RAB40A: variants seen among roughly 807,000 people sequenced by gnomAD.
RAB40A encodes the protein RAB40A, member RAS oncogene family, also known as ras-related protein Rab-40A.
For missense variants in RAB40A, 145 were observed against 230.2 expected (o/e 0.63, Z 2.40); for synonymous variants, 65 against 99.9 (o/e 0.65, Z 2.08).
the RAB40A span, among the ~76,000 whole-genome samples, chrX:103,493,580 G>A: frequency 1.8e-5 from 2 of 111,241 alleles, no homozygotes; most frequent in African/African-American, 6.5e-5. Context: ...CCTCCAGCCT[G>A]CCACCATCCT....
rs2073236006 is a variant in RAB40A, at chrX:103,502,857, G to A, written c.-70-2031C>T. 3 of 761,846 alleles carry A rather than the reference G, an allele frequency of 3.9e-6. No homozygotes were observed. In the South Asian group the frequency reaches 2.1e-4, roughly 52 times the overall value. 62.8% of individuals were successfully genotyped at this position (761,846 alleles called of 1,213,427 possible). On this transcript the variant is annotated intron_variant, in intron 2 of 2. Transcript: ENST00000304236. ...CCGAGCTGTCCCAAGGAGCAAATGA[G>A]AAAACCTGTTGAGAGTATACGGCAT... is the stretch of plus-strand genomic sequence containing the variant.
At chrX:103,498,753 A>G (rs375809377), downstream of RAB40A, among the ~76,000 whole-genome samples, 2 of 112,399 alleles carry the variant, frequency 1.8e-5, no homozygotes, top group South Asian at 3.7e-4. Flanking sequence ...CAATCACCCT[A>G]TGACAATGCA....
chrX:103,508,293 A>C (rs2073267407), intron 2 of RAB40A, among the ~76,000 whole-genome samples: 1 of 111,509 alleles, frequency 9.0e-6, no homozygotes, highest in East Asian at 2.8e-4. Flanking sequence ...CCCATCTTCT[A>C]AAGGGGAGGT....
chrX:103,496,160 G>A (rs1412259452), downstream of RAB40A, among the ~76,000 whole-genome samples: 1 of 111,953 alleles, frequency 8.9e-6, no homozygotes, highest in African/African-American at 3.2e-5. Flanking sequence ...CACTAAGTCA[G>A]CCCTGTTCTT....
rs1196589951 is a variant in RAB40A, at chrX:103,499,983, G to A, written c.774C>T (p.Ile258=). ...THKSSLCKVE[I]VCPPQSPPKN... is the part of the protein sequence containing the mutation. Reference sequence around the variant, plus strand: ...TGGGTGGGCTCTGGGGTGGGCAGACGATCTCCACTTTGCAGAGGCTGCTCT... The same window carrying A: ...TGGGTGGGCTCTGGGGTGGGCAGACAATCTCCACTTTGCAGAGGCTGCTCT... Residue 258 remains isoleucine (I), a synonymous_variant, in exon 3 of 3, where the codon ATC becomes ATT. Coordinates refer to ENST00000304236, the MANE Select transcript of RAB40A (RefSeq NM_080879.3). 5 of 1,209,326 alleles carry A rather than the reference G, an allele frequency of 4.1e-6. No homozygotes were observed. In the South Asian group the frequency reaches 5.3e-5, roughly 13 times the overall value.
chrX:103,518,419 T>C (rs982712043), intron 1 of RAB40A, among the ~76,000 whole-genome samples: 1 of 110,289 alleles, frequency 9.1e-6, no homozygotes, highest in Non-Finnish European at 1.9e-5. Context: ...AGTGCCCATA[T>C]TGAATCCACT....
Position 103,499,221 on chromosome X carries a change from T to A in RAB40A, c.*702A>T, listed in dbSNP as rs1468267035. The A allele has an allele frequency of 5.0e-5, 6 of 120,871 alleles. No homozygotes were observed. The highest frequency in any genetic ancestry group is 1.9e-4 in the African/African-American group (6 of 30,974). The allele number at this position is 120,871 out of a possible 1,213,427, so 10.0% of individuals were successfully genotyped here. A position where few individuals can be genotyped will look rare whatever the true frequency, so the allele number is the denominator to read the frequency against. The stretch of plus-strand genomic sequence containing the variant: ...TCTTATTGATCCATTGAAACCATAT[T>A]GGCTATGTTCAACATAACTAGAGAT... On this transcript the variant is annotated 3_prime_UTR_variant, in exon 3 of 3. Transcript: ENST00000304236.
chrX:103,513,595 T>A (rs1426177075), intron 2 of RAB40A, among the ~76,000 whole-genome samples: 6 of 111,604 alleles, frequency 5.4e-5, no homozygotes, highest in Non-Finnish European at 1.1e-4. Flanking sequence ...ATTGGACACA[T>A]AAAAACCAAC....
intron 2 of RAB40A, among the ~76,000 whole-genome samples, chrX:103,512,179 C>G (rs1052427645): frequency 2.7e-5 from 3 of 112,202 alleles, no homozygotes; most frequent in Admixed American, 1.9e-4. Context: ...TATTGACATT[C>G]TTGGGTGTTT....
intron 1 of RAB40A, 135 bp downstream of exon 1, chrX:103,519,235 T>C (rs1032301517): frequency 7.1e-5 from 8 of 112,131 alleles, no homozygotes; most frequent in Non-Finnish European, 1.3e-4. Context: ...ATGTGGAGAA[T>C]GTACAGGTTT....
the RAB40A span, among the ~76,000 whole-genome samples, chrX:103,494,081 T>C: frequency 8.9e-6 from 1 of 112,364 alleles, no homozygotes; most frequent in Non-Finnish European, 1.9e-5. Flanking sequence ...TTTCTCCACA[T>C]CCTTGCCAGC....
At chrX:103,516,664 A>T (rs772440083) in intron 2 of RAB40A, among the ~76,000 whole-genome samples, 30 of 111,604 alleles carry the variant, frequency 2.7e-4, no homozygotes, top group African/African-American at 9.1e-4. Flanking sequence ...GCAGAGGTTA[A>T]AAATATCAAT....
At chrX:103,498,357 G>T (rs2073196004), downstream of RAB40A, among the ~76,000 whole-genome samples, 1 of 112,422 alleles carries the variant, frequency 8.9e-6, no homozygotes. Flanking sequence ...GGTCTGACAA[G>T]GTTCTCTGTC....
chrX:103,517,540 A>G lies in RAB40A; in HGVS notation c.-222-15T>C, dbSNP rs1226404630. On this transcript the variant is annotated splice_polypyrimidine_tract_variant and intron_variant, in intron 1 of 2. Transcript: ENST00000304236. The stretch of plus-strand genomic sequence containing the variant: ...CCCACGTCACACTAGAAAGAAAATA[A>G]GAGAGCAGAGAGTACATGGAATCAA... 1 of 112,253 alleles carries G rather than the reference A, an allele frequency of 8.9e-6. No individual in the cohort carries two copies. The highest frequency in any genetic ancestry group is 9.5e-5 in the Admixed American group (1 of 10,539). 9.3% of individuals were successfully genotyped at this position (112,253 alleles called of 1,213,427 possible).
At chrX:103,508,476 A>G (rs957608782) in intron 2 of RAB40A, among the ~76,000 whole-genome samples, 1 of 112,053 alleles carries the variant, frequency 8.9e-6, no homozygotes, top group Non-Finnish European at 1.9e-5. Flanking sequence ...TTCCCAGAGA[A>G]TATGACATGA....
At chrX:103,508,837 C>G (rs1212092229) in intron 2 of RAB40A, among the ~76,000 whole-genome samples, 2 of 111,925 alleles carry the variant, frequency 1.8e-5, no homozygotes, top group Non-Finnish European at 1.9e-5. Flanking sequence ...CAGTGATTGT[C>G]TAATGAGTGC....
chrX:103,513,046 T>G (rs886795326), intron 2 of RAB40A, among the ~76,000 whole-genome samples: 4 of 111,611 alleles, frequency 3.6e-5, no homozygotes, highest in Non-Finnish European at 5.6e-5. Context: ...AGTATGAATC[T>G]ATATACATGA....
downstream of RAB40A, among the ~76,000 whole-genome samples, chrX:103,497,132 A>G (rs1331114029): frequency 9.0e-6 from 1 of 111,613 alleles, no homozygotes; most frequent in African/African-American, 3.3e-5. Flanking sequence ...TTGTAGAGAG[A>G]GGTCTAGGGT....
intron 2 of RAB40A, chrX:103,502,351 T>C (rs1332825945): frequency 8.1e-6 from 1 of 123,271 alleles, no homozygotes; most frequent in Non-Finnish European, 1.9e-5. Context: ...AGCACCCTGA[T>C]TGGAATAATG....
Sources: gnomAD v4.1 joint callset for allele counts (sites outside exome capture counted in the v4.1 genomes callset) on GRCh38, gnomAD v4.1.1 for gene constraint, MANE v1.5 for transcripts, NCBI Gene and HGNC (gene_info 2026-07-23, HGNC 2026-07-21) for gene names.